NBEA: variants seen among roughly 807,000 people sequenced by gnomAD.
NBEA encodes lysosomal-trafficking regulator 2.
A neutral mutation model predicts 343.4 loss-of-function variants in NBEA; 44 were observed. That is an observed-to-expected ratio of 0.13 (90% confidence interval 0.10 to 0.16). The LOEUF is 0.16. Ranked by LOEUF, NBEA falls within the 10% of genes least tolerant of loss-of-function variation. The probability of loss-of-function intolerance (pLI) is 1.00; values close to 1 mark genes in which losing one functional copy is unlikely to be tolerated. For synonymous variants in NBEA, 1,175 were observed against 1,238.7 expected, an observed-to-expected ratio of 0.95 and a Z score of 1.08; for missense variants, 2,555 against 3,631.3, an observed-to-expected ratio of 0.70 and a Z score of 7.62.
chr13:35,092,815 T>C (rs117706838), intron 10 of NBEA, among the ~76,000 whole-genome samples: 2,472 of 152,146 alleles, frequency 0.016, 33 homozygotes, highest in South Asian at 0.074. Flanking sequence ...TATACACTTA[T>C]TGTATAGTTC....
chr13:35,347,576 TGAA>T (rs746659385), intron 36 of NBEA, among the ~76,000 whole-genome samples: 1 of 151,986 alleles, frequency 6.6e-6, no homozygotes, highest in Non-Finnish European at 1.5e-5. Flanking sequence ...CAAAAAAAAT[TGAA>T]GAAGACACAA....
rs1414874967 is a variant in NBEA, at chr13:35,109,445, A to G, written c.1833+3A>G. The G allele has an allele frequency of 6.3e-7, 1 of 1,599,886 alleles. No homozygotes were observed. Among genetic ancestry groups the G allele is most frequent in the Non-Finnish European group, 8.5e-7 (1 of 1,174,396 alleles). On this transcript the variant is annotated splice_donor_region_variant and intron_variant, in intron 12 of 58. Coordinates refer to ENST00000379939, the MANE Select transcript of NBEA (RefSeq NM_001385012.1). Reference sequence around the variant, plus strand: ...TCTGGATACATACACCTGCAAAGGTATGAATTTTATACTTATTCAGTTTGA... The same window carrying G: ...TCTGGATACATACACCTGCAAAGGTGTGAATTTTATACTTATTCAGTTTGA...
chr13:35,422,483 C>G (rs1229562557), intron 38 of NBEA, among the ~76,000 whole-genome samples: 1 of 152,016 alleles, frequency 6.6e-6, no homozygotes, highest in East Asian at 1.9e-4. Context: ...TGAACTCATC[C>G]TTTTTTATGG....
At chr13:35,543,121 G>A (rs1578831) in intron 41 of NBEA, among the ~76,000 whole-genome samples, 93,832 of 151,864 alleles carry the variant, frequency 0.62, 29,289 homozygotes, top group East Asian at 0.84. Context: ...TTAGCATACA[G>A]TCATACAACA....
intron 41 of NBEA, among the ~76,000 whole-genome samples, chr13:35,501,014 G>A (rs773672993): frequency 1.3e-5 from 2 of 152,042 alleles, no homozygotes; most frequent in African/African-American, 2.4e-5. Context: ...AGTTCCATGC[G>A]TGGGATATCG....
chr13:35,056,223 G>A, intron 7 of NBEA, 94 bp downstream of exon 7: 4 of 1,076,202 alleles, frequency 3.7e-6, no homozygotes, highest in Non-Finnish European at 4.8e-6. Context: ...TTTGGTAGAA[G>A]CTTAAAACTT....
At chr13:34,963,545 C>G (rs9599907) in intron 1 of NBEA, among the ~76,000 whole-genome samples, 1 of 151,798 alleles carries the variant, frequency 6.6e-6, no homozygotes, top group Non-Finnish European at 1.5e-5. Flanking sequence ...CTTAACTAAG[C>G]GAAAATAAGG....
intron 1 of NBEA, among the ~76,000 whole-genome samples, chr13:34,970,062 G>T (rs2059952061): frequency 6.6e-6 from 1 of 151,946 alleles, no homozygotes; most frequent in South Asian, 2.1e-4. Flanking sequence ...GCATCTGTTG[G>T]TTTTTGACTT....
chr13:35,602,582 C>T (rs1230302663), intron 47 of NBEA, among the ~76,000 whole-genome samples: 3 of 152,170 alleles, frequency 2.0e-5, no homozygotes, highest in Non-Finnish European at 4.4e-5. Context: ...GTGATTGTTT[C>T]CATTATGAGA....
intron 1 of NBEA, among the ~76,000 whole-genome samples, chr13:35,027,614 C>A (rs1407917038): frequency 6.6e-6 from 1 of 151,898 alleles, no homozygotes; most frequent in Non-Finnish European, 1.5e-5. Context: ...CAAATACTTT[C>A]TTCCAGTCTG....
intron 55 of NBEA, among the ~76,000 whole-genome samples, chr13:35,662,301 T>G (rs144879580): frequency 6.6e-6 from 1 of 152,290 alleles, no homozygotes; most frequent in East Asian, 1.9e-4. Context: ...GGTGAGTGCT[T>G]CTGTGGAGGC....
chr13:35,171,809 T>A (rs2070483262), intron 26 of NBEA, among the ~76,000 whole-genome samples: 1 of 152,030 alleles, frequency 6.6e-6, no homozygotes, highest in African/African-American at 2.4e-5. Flanking sequence ...CTGAGGGTAG[T>A]GTCCTGGCCT....
chr13:35,086,443 C>T (rs1361301046), intron 10 of NBEA, among the ~76,000 whole-genome samples: 2 of 151,946 alleles, frequency 1.3e-5, no homozygotes, highest in African/African-American at 2.4e-5. Context: ...GTTTATTCCT[C>T]CTGCTACCCT....
At chr13:35,199,630 A>G (rs2072877561) in intron 31 of NBEA, among the ~76,000 whole-genome samples, 1 of 152,158 alleles carries the variant, frequency 6.6e-6, no homozygotes, top group Non-Finnish European at 1.5e-5. Flanking sequence ...AAATTTGGAA[A>G]TAATTTCCTA....
intron 48 of NBEA, among the ~76,000 whole-genome samples, chr13:35,611,065 A>G (rs2082499849): frequency 6.6e-6 from 1 of 151,038 alleles, no homozygotes; most frequent in African/African-American, 2.4e-5. Flanking sequence ...AAAACCTCTG[A>G]CATCCCAAGC....
intron 1 of NBEA, among the ~76,000 whole-genome samples, chr13:35,036,472 G>A (rs1336341357): frequency 6.6e-6 from 1 of 152,006 alleles, no homozygotes; most frequent in African/African-American, 2.4e-5. Context: ...GTGTTTTTCT[G>A]TGTACTTATA....
chr13:35,205,251 A>T (rs900558071), intron 31 of NBEA, among the ~76,000 whole-genome samples: 1 of 152,182 alleles, frequency 6.6e-6, no homozygotes, highest in African/African-American at 2.4e-5. Flanking sequence ...TAGGTGCAGA[A>T]AAAGATCGGA....
At chr13:35,643,617 A>G (rs184912376) in intron 49 of NBEA, among the ~76,000 whole-genome samples, 2 of 152,214 alleles carry the variant, frequency 1.3e-5, no homozygotes, top group Admixed American at 1.3e-4. Context: ...ACAGACATAC[A>G]TAAATAATTG....
intron 1 of NBEA, among the ~76,000 whole-genome samples, chr13:35,007,328 A>T (rs1451256892): frequency 6.6e-6 from 1 of 151,614 alleles, no homozygotes; most frequent in Non-Finnish European, 1.5e-5. Context: ...ATATGACTGA[A>T]TTTTTTTTGA....
Sources: gnomAD v4.1 joint callset for allele counts (sites outside exome capture counted in the v4.1 genomes callset) on GRCh38, gnomAD v4.1.1 for gene constraint, MANE v1.5 for transcripts, NCBI Gene and HGNC (gene_info 2026-07-23, HGNC 2026-07-21) for gene names.